The following RIMS2 variants were observed in gnomAD, a reference collection of about 807,000 sequenced individuals.
RIMS2 encodes the protein regulating synaptic membrane exocytosis protein 2.
A neutral mutation model predicts 174.4 loss-of-function variants in RIMS2; 59 were observed. The observed-to-expected ratio is 0.34, with a 90% CI of 0.27 to 0.42. The LOEUF (loss-of-function observed/expected upper bound fraction) is 0.42, where lower values mean the gene tolerates loss of function less well. RIMS2 is among the 10% of genes least tolerant of loss of function. RIMS2 has a pLI of 1.00. For missense variants in RIMS2, 1,620 were observed against 1,666.3 expected, an observed-to-expected ratio of 0.97 and a Z score of 0.48; for synonymous variants, 606 against 572.5, an observed-to-expected ratio of 1.06 and a Z score of -0.84.
At chr8:104,099,175 A>G (rs926554120) in intron 19 of RIMS2, among the ~76,000 whole-genome samples, 1 of 152,232 alleles carries the variant, frequency 6.6e-6, no homozygotes, top group African/African-American at 2.4e-5. Flanking sequence ...ACAGCTGAAC[A>G]TAAGTTTCTA....
chr8:104,249,661 T>C, intron 22 of RIMS2, 73 bp downstream of exon 28: 2 of 837,008 alleles, frequency 2.4e-6, no homozygotes, highest in Non-Finnish European at 4.0e-6. Context: ...TTTTGATTGG[T>C]TTAGACCTTT....
intron 19 of RIMS2, among the ~76,000 whole-genome samples, chr8:104,166,379 G>C (rs1202921095): frequency 1.3e-5 from 2 of 151,972 alleles, no homozygotes; most frequent in African/African-American, 4.8e-5. Flanking sequence ...ATGACTTCTT[G>C]AAGGTTTGTA....
intron 15 of RIMS2, among the ~76,000 whole-genome samples, chr8:103,972,222 T>A (rs560654391): frequency 6.6e-6 from 1 of 152,292 alleles, no homozygotes; most frequent in South Asian, 2.1e-4. Flanking sequence ...AAAACTAAAC[T>A]TTTGATCTTT....
chr8:103,907,441 A>G (rs973878432), intron 4 of RIMS2, among the ~76,000 whole-genome samples: 4 of 152,200 alleles, frequency 2.6e-5, no homozygotes, highest in Non-Finnish European at 5.9e-5. Context: ...ATAAGTAAAA[A>G]TCATTCAGTA....
rs781545557 is a variant in RIMS2 at position 104,119,189 on chromosome 8, C to CA, written c.3334+104588dup. Among the ~76,000 whole-genome samples, 133 of 140,150 alleles carry CA rather than the reference C, an allele frequency of 9.5e-4. 1 individual carries two copies. The highest frequency in any genetic ancestry group is 3.6e-3 in the Middle Eastern group (1 of 276). The allele number at this position is 140,150 out of a possible 152,430, so 91.9% of individuals were successfully genotyped here. A position where few individuals can be genotyped will look rare whatever the true frequency, so the allele number is the denominator to read the frequency against. ...GGTAAACCCCGTCTCTACTTAAAAA[C>CA]AAAAAAAAAAAAAATCAAAAATTAG... On this transcript the variant is annotated intron_variant, in intron 19 of 23. Transcript: ENST00000504942.
At chr8:103,838,524 T>A (rs529717439) in intron 3 of RIMS2, among the ~76,000 whole-genome samples, 1 of 152,330 alleles carries the variant, frequency 6.6e-6, no homozygotes, top group African/African-American at 2.4e-5. Flanking sequence ...AAGGCTAAAC[T>A]ATTAGGTAGC....
chr8:103,524,194 T>G (rs1274438550), intron 1 of RIMS2, among the ~76,000 whole-genome samples: 2 of 151,888 alleles, frequency 1.3e-5, no homozygotes, highest in Non-Finnish European at 2.9e-5. Context: ...TAGGTGTCAT[T>G]GGTATACTTA....
chr8:103,927,862 A>T lies in RIMS2; in HGVS notation c.2217A>T (p.Arg739Ser), dbSNP rs767713982. 1.5e-5 allele frequency: 24 copies of T among 1,608,522 alleles called. 1 individual carries two copies. The South Asian group carries it at 2.7e-4, about 18-fold the overall frequency. The stretch of plus-strand genomic sequence containing the variant: ...ACCAGAGCCAAAGCCTTAGTAGAAG[A>T]ACAACGCCTTTTGTTCCTAGGGTTC... The change falls in exon 11 of 24, where the codon AGA (arginine) becomes AGT (serine). Residue 739 changes from arginine to serine, a missense_variant. Arg to Ser is a moderately radical substitution (Grantham distance 110). Transcript: ENST00000504942.
intron 9 of RIMS2, among the ~76,000 whole-genome samples, chr8:103,919,459 A>T (rs1392852409): frequency 6.6e-6 from 1 of 151,832 alleles, no homozygotes; most frequent in Non-Finnish European, 1.5e-5. Context: ...GAAAATTGGG[A>T]GCTATCTAGG....
chr8:104,159,277 C>T (rs1342461841), intron 19 of RIMS2, among the ~76,000 whole-genome samples: 2 of 152,162 alleles, frequency 1.3e-5, no homozygotes, highest in African/African-American at 4.8e-5. Context: ...GTACCAGTAC[C>T]ATGCTGTTTT....
chr8:103,852,604 A>G (rs1210390454), intron 3 of RIMS2, among the ~76,000 whole-genome samples: 1 of 151,662 alleles, frequency 6.6e-6, no homozygotes, highest in Non-Finnish European at 1.5e-5. Context: ...TCCCATGTTT[A>G]TGTCCATGGG....
At chr8:104,105,528 A>G (rs981430574) in intron 19 of RIMS2, among the ~76,000 whole-genome samples, 6 of 152,078 alleles carry the variant, frequency 3.9e-5, no homozygotes, top group Admixed American at 2.6e-4. Context: ...ATTCAATACC[A>G]TATCTCTCTT....
chr8:104,237,156 A>G (rs1271455090), intron 19 of RIMS2, among the ~76,000 whole-genome samples: 5 of 152,222 alleles, frequency 3.3e-5, no homozygotes, highest in Non-Finnish European at 7.4e-5. Context: ...AAAATAGAAT[A>G]TCAAATTCAG....
chr8:103,723,937 G>T (rs909050531), intron 2 of RIMS2, among the ~76,000 whole-genome samples: 1 of 152,130 alleles, frequency 6.6e-6, no homozygotes, highest in Non-Finnish European at 1.5e-5. Context: ...ATGGCCTGGT[G>T]CTAGGGGAAG....
At chr8:103,931,487 A>C (rs1385334715) in intron 12 of RIMS2, 94 bp downstream of exon 14, 3 of 816,286 alleles carry the variant, frequency 3.7e-6, no homozygotes, top group Non-Finnish European at 5.5e-6. Flanking sequence ...TATTGGTATC[A>C]TACTAGTGAG....
intron 1 of RIMS2, among the ~76,000 whole-genome samples, chr8:103,616,328 G>A (rs1406766415): frequency 2.0e-5 from 3 of 152,264 alleles, no homozygotes; most frequent in East Asian, 1.9e-4. Context: ...ATTTTTTCAT[G>A]TTACAAACTC....
chr8:103,919,367 G>A (rs1416736235), intron 9 of RIMS2, among the ~76,000 whole-genome samples: 1 of 152,046 alleles, frequency 6.6e-6, no homozygotes, highest in Non-Finnish European at 1.5e-5. Context: ...GAGGAAGAAT[G>A]GTATGAATGA....
chr8:104,203,518 T>G (rs868815456), intron 19 of RIMS2, among the ~76,000 whole-genome samples: 11 of 110,622 alleles, frequency 9.9e-5, no homozygotes, highest in African/African-American at 3.8e-4. Context: ...TTTTTTTTTT[T>G]TGTGAGATGG....
At chr8:104,174,831 C>G (rs1039864360) in intron 19 of RIMS2, among the ~76,000 whole-genome samples, 1 of 152,160 alleles carries the variant, frequency 6.6e-6, no homozygotes, top group Admixed American at 6.5e-5. Flanking sequence ...ATAGGGCTCC[C>G]TTCCTTTCAA....
Sources: allele counts gnomAD v4.1 joint callset (sites outside exome capture counted in the v4.1 genomes callset), GRCh38; gene constraint gnomAD v4.1.1; transcripts MANE v1.5; gene names NCBI Gene and HGNC (gene_info 2026-07-23, HGNC 2026-07-21).